The following DMXL2 variants were observed in gnomAD, a reference collection of about 807,000 sequenced individuals.
DMXL2 encodes the protein dmX-like protein 2.
Under a neutral mutation model 331.1 loss-of-function variants are expected in DMXL2, and 103 were observed. The observed-to-expected ratio is 0.31, with a 90% CI of 0.27 to 0.37. The LOEUF (loss-of-function observed/expected upper bound fraction) is 0.37. Ranked by LOEUF, DMXL2 falls within the 10% of genes least tolerant of loss-of-function variation. DMXL2 has a pLI of 1.00. For missense variants in DMXL2, 3,171 were observed against 3,642.9 expected, an observed-to-expected ratio of 0.87 and a Z score of 3.33; for synonymous variants, 1,281 against 1,252.1, an observed-to-expected ratio of 1.02 and a Z score of -0.49.
At position 51,450,340 on chromosome 15, in the gene DMXL2, G is replaced by T. The variant is rs781495241; in HGVS notation, c.8756C>A (p.Thr2919Lys). The T allele has an allele frequency of 6.2e-7, 1 of 1,613,772 alleles. No homozygotes were observed. ...SPGNSLIHGFTCHDHGATVLQ... is the reference protein window; with the variant it reads ...SPGNSLIHGFKCHDHGATVLQ... ...TACCGTGGCACCATGATCGTGGCAC[G>T]TGAAACCTGAAGAAGAAAAACATCA... The change falls in exon 43 of 44, where the codon ACG becomes AAG. Residue 2919 changes from threonine (T) to lysine (K), a missense_variant. By Grantham distance (78) the Thr-to-Lys change is moderately conservative (BLOSUM62 -1). Around this residue, in one of 7 missense-constraint regions of DMXL2, gnomAD observed 766 missense variants for 940.5 expected, o/e 0.81. Transcript: ENST00000560891.
At chr15:51,513,717 T>G (rs1290605848) in intron 15 of DMXL2, among the ~76,000 whole-genome samples, 1 of 152,166 alleles carries the variant, frequency 6.6e-6, no homozygotes, top group Non-Finnish European at 1.5e-5. Context: ...GAAAACCCTT[T>G]GTAAACTAAA....
chr15:51,504,739 T>C (rs940633154), intron 16 of DMXL2, among the ~76,000 whole-genome samples: 1 of 152,216 alleles, frequency 6.6e-6, no homozygotes, highest in Non-Finnish European at 1.5e-5. Context: ...GGATCCGTAG[T>C]CAGAAGACAG....
intron 1 of DMXL2, among the ~76,000 whole-genome samples, chr15:51,590,906 T>A (rs2052259152): frequency 6.6e-6 from 1 of 152,246 alleles, no homozygotes; most frequent in East Asian, 1.9e-4. Flanking sequence ...ATTTTTTTAA[T>A]TTGTAAAGGC....
chr15:51,614,725 G>GTTT (rs2054184821), intron 1 of DMXL2, among the ~76,000 whole-genome samples: 1 of 152,026 alleles, frequency 6.6e-6, no homozygotes, highest in African/African-American at 2.4e-5. Context: ...ACCACCTTCT[G>GTTT]TTTTAGGTGC....
At chr15:51,525,952 A>G (rs1005232458) in intron 13 of DMXL2, among the ~76,000 whole-genome samples, 1 of 151,818 alleles carries the variant, frequency 6.6e-6, no homozygotes, top group African/African-American at 2.4e-5. Flanking sequence ...TTGAGAGAAC[A>G]TAGGTGGTAG....
intron 27 of DMXL2, 30 bp downstream of exon 27, chr15:51,476,559 T>C (rs752878542): frequency 4.4e-6 from 3 of 680,008 alleles, no homozygotes; most frequent in Non-Finnish European, 6.1e-6. Flanking sequence ...AACTAGAAGA[T>C]TTTTTTTTTT....
chr15:51,518,086 CTT>C (rs1355182217), intron 13 of DMXL2, among the ~76,000 whole-genome samples: 1 of 152,122 alleles, frequency 6.6e-6, no homozygotes, highest in African/African-American at 2.4e-5. Context: ...AATTCCAGCA[CTT>C]TGACAGGCCA....
chr15:51,479,490 TCTAA>T (rs1373783766), intron 25 of DMXL2, among the ~76,000 whole-genome samples: 1 of 152,152 alleles, frequency 6.6e-6, no homozygotes, highest in African/African-American at 2.4e-5. Context: ...TCTGATTGCC[TCTAA>T]CTATTGCCTC....
intron 7 of DMXL2, among the ~76,000 whole-genome samples, chr15:51,546,267 A>G (rs1435477748): frequency 6.6e-6 from 1 of 152,160 alleles, no homozygotes; most frequent in African/African-American, 2.4e-5. Flanking sequence ...CAAAAACGGC[A>G]TGGCATGGAG....
intron 15 of DMXL2, among the ~76,000 whole-genome samples, chr15:51,513,695 GATTA>G (rs1424320846): frequency 1.7e-4 from 26 of 152,090 alleles, no homozygotes; most frequent in Admixed American, 1.7e-3. Context: ...AACCACATGA[GATTA>G]ATTATCTGAA....
chr15:51,577,631 C>G (rs2051137130), intron 1 of DMXL2, among the ~76,000 whole-genome samples: 1 of 152,124 alleles, frequency 6.6e-6, no homozygotes, highest in Non-Finnish European at 1.5e-5. Context: ...TTTGGATCAC[C>G]ATGCTAATTT....
intron 2 of DMXL2, among the ~76,000 whole-genome samples, chr15:51,569,491 GCCT>G (rs2050516284): frequency 6.6e-6 from 1 of 152,178 alleles, no homozygotes; most frequent in Admixed American, 6.5e-5. Context: ...AGGACAGACT[GCCT>G]CCTCAAGTGG....
chr15:51,457,617 A>G (rs560119052), intron 36 of DMXL2, 151 bp from the exon 37 acceptor site: 3 of 809,528 alleles, frequency 3.7e-6, no homozygotes, highest in Middle Eastern at 3.7e-4. Flanking sequence ...CTAATCGCCA[A>G]TGTTAATACT....
chr15:51,547,526 A>C (rs949970847), intron 6 of DMXL2, 118 bp from the exon 7 acceptor site: 1 of 594,008 alleles, frequency 1.7e-6, no homozygotes, highest in Non-Finnish European at 2.7e-6. Context: ...TGACTTATAC[A>C]TAATACAAAA....
chr15:51,451,655 G>A lies in DMXL2; in HGVS notation c.8739C>T (p.Ser2913=). ...LWDTLISPGN[S]LIHGFTCHDH... ...TAGACCTTAACTCACCATGAATGAGGCTGTTTCCGGGTGATATTAATGTGT... is the reference window on the plus strand; with the variant it reads ...TAGACCTTAACTCACCATGAATGAGACTGTTTCCGGGTGATATTAATGTGT... The change falls in exon 42 of 44, where the codon AGC becomes AGT. Residue 2913 remains serine, a synonymous_variant. Transcript: ENST00000560891. 6.2e-7 allele frequency: 1 copy of A among 1,612,090 alleles called. No individual in the cohort carries two copies. Among genetic ancestry groups the A allele is most frequent in the Non-Finnish European group, 8.5e-7 (1 of 1,178,802 alleles).
chr15:51,457,567 T>A (rs1595885551), intron 36 of DMXL2, 101 bp from the exon 37 acceptor site: 2 of 1,380,302 alleles, frequency 1.4e-6, no homozygotes, highest in Non-Finnish European at 9.8e-7. Flanking sequence ...ATCTTTATTT[T>A]AAAAACTAAG....
chr15:51,498,666 G>A lies in DMXL2; in HGVS notation c.4558C>T (p.His1520Tyr). 6.2e-7 allele frequency: 1 copy of A among 1,614,174 alleles called. No individual in the cohort carries two copies. The highest frequency in any genetic ancestry group is 8.5e-7 in the Non-Finnish European group (1 of 1,180,028). ...HARVLSSHLM[H>Y]SSLPGLTRLE... ...CGGGTAAGGCCTGGTAGACTTGAGT[G>A]CATAAGATGACTTGAAAGTACCCTT... Residue 1520 changes from histidine to tyrosine, a missense_variant, in exon 18 of 44, where the codon CAC becomes TAC. Around this residue, in one of 7 missense-constraint regions of DMXL2, gnomAD observed 252 missense variants for 387.4 expected, o/e 0.65. Transcript: ENST00000560891.
chr15:51,604,315 AG>A (rs1419634310), intron 1 of DMXL2, among the ~76,000 whole-genome samples: 77 of 151,124 alleles, frequency 5.1e-4, no homozygotes, highest in African/African-American at 1.8e-3. Context: ...AAAAAAAAAA[AG>A]AACACATACA....
chr15:51,614,669 C>T (rs2054180879), intron 1 of DMXL2, among the ~76,000 whole-genome samples: 1 of 152,160 alleles, frequency 6.6e-6, no homozygotes, highest in African/African-American at 2.4e-5. Flanking sequence ...GTGTGTATTA[C>T]ACTAAGTATC....
Sources: gnomAD v4.1 joint callset for allele counts (sites outside exome capture counted in the v4.1 genomes callset) on GRCh38, gnomAD v4.1.1 for gene constraint, gnomAD v4.1.1 regional missense constraint, MANE v1.5 for transcripts, NCBI Gene and HGNC (gene_info 2026-07-23, HGNC 2026-07-21) for gene names.